The following NCOA1 variants were observed in gnomAD, a reference collection of about 807,000 sequenced individuals.
The protein encoded by NCOA1 is Hin-2 protein.
A neutral mutation model predicts 150.9 loss-of-function variants in NCOA1; 35 were observed. That is an observed-to-expected ratio of 0.23 (90% CI 0.18 to 0.31). The LOEUF (loss-of-function observed/expected upper bound fraction) is 0.31. Among genes scored for constraint, NCOA1 ranks in the 10% least tolerant of loss-of-function variants. The probability of loss-of-function intolerance (pLI) is 1.00; values close to 1 mark genes in which losing one functional copy is unlikely to be tolerated. For missense variants in NCOA1, 1,491 were observed against 1,749.3 expected, an observed-to-expected ratio of 0.85 and a Z score of 2.63; for synonymous variants, 590 against 630.0, an observed-to-expected ratio of 0.94 and a Z score of 0.95.
At chr2:24,696,584 ATAT>A (rs1262116130) in intron 10 of NCOA1, among the ~76,000 whole-genome samples, 1 of 152,210 alleles carries the variant, frequency 6.6e-6, no homozygotes, top group Non-Finnish European at 1.5e-5. Context: ...TTTAAAATTA[ATAT>A]TATAAAGTTG....
At chr2:24,716,519 C>T (rs1282194129) in intron 14 of NCOA1, among the ~76,000 whole-genome samples, 1 of 152,044 alleles carries the variant, frequency 6.6e-6, no homozygotes, top group African/African-American at 2.4e-5. Flanking sequence ...GAACCTCAAC[C>T]TCTCTCCTCA....
intron 13 of NCOA1, among the ~76,000 whole-genome samples, chr2:24,708,468 C>G (rs1234316804): frequency 6.6e-6 from 1 of 152,010 alleles, no homozygotes; most frequent in Non-Finnish European, 1.5e-5. Flanking sequence ...TAAATAAAGA[C>G]AAACCTTTCC....
chr2:24,658,068 A>G (rs1051729344), intron 4 of NCOA1, among the ~76,000 whole-genome samples: 1 of 152,206 alleles, frequency 6.6e-6, no homozygotes, highest in Non-Finnish European at 1.5e-5. Flanking sequence ...CCAAGATCCT[A>G]ACATAGACTA....
chr2:24,523,754 C>T (rs1046887192), intron 1 of NCOA1, among the ~76,000 whole-genome samples: 1 of 149,570 alleles, frequency 6.7e-6, no homozygotes, highest in African/African-American at 2.5e-5. Flanking sequence ...GGTCAAACCC[C>T]ATCTCTACTG....
At chr2:24,502,021 A>G (rs1204808729) in intron 1 of NCOA1, among the ~76,000 whole-genome samples, 2 of 152,152 alleles carry the variant, frequency 1.3e-5, no homozygotes, top group African/African-American at 2.4e-5. Flanking sequence ...TTTGGCTTTT[A>G]CAGGTGTTTG....
In NCOA1 at chr2:24,707,688, A is replaced by G; in HGVS notation, c.2218A>G (p.Lys740Glu). ...AAAACTAGAACTGGATGCTTCAAAG[A>G]AAAAAGAATCAAAAGACCATCAGCT... ...SIKLELDASK[K>E]KESKDHQLLR... The change falls in exon 13 of 23, where the codon AAA (lysine) becomes GAA (glutamate). Residue 740 changes from lysine to glutamate, a missense_variant. This residue lies in a region of NCOA1 where 703 missense variants were observed against 717.7 expected (regional missense o/e 0.98). Coordinates refer to ENST00000348332, the MANE Select transcript of NCOA1 (RefSeq NM_003743.5). The G allele has an allele frequency of 1.9e-6, 3 of 1,614,184 alleles. No individual in the cohort carries two copies. The highest frequency in any genetic ancestry group is 2.5e-6 in the Non-Finnish European group (3 of 1,180,004).
chr2:24,650,745 A>T (rs573897303), intron 4 of NCOA1, among the ~76,000 whole-genome samples: 1 of 152,210 alleles, frequency 6.6e-6, no homozygotes, highest in African/African-American at 2.4e-5. Flanking sequence ...AGGAAATGTA[A>T]GTAAAAGCCA....
rs911285185 is a variant in NCOA1 at position 24,708,022 on chromosome 2, G to T, written c.2418+134G>T. ...CCATTGGGCATATATTAAGAGGTTA[G>T]TATCAATAACTGATCACAGGATGCC... On this transcript the variant is annotated intron_variant, in intron 13 of 22. Coordinates refer to ENST00000348332, the MANE Select transcript of NCOA1 (RefSeq NM_003743.5). 12 of 1,158,440 alleles carry T rather than the reference G, an allele frequency of 1.0e-5. No homozygotes were observed. The Admixed American group carries it at 1.6e-4, about 15-fold the overall frequency. The allele number at this position is 1,158,440 out of a possible 1,614,324, so 71.8% of individuals were successfully genotyped here.
intron 1 of NCOA1, among the ~76,000 whole-genome samples, chr2:24,516,189 T>A (rs1370471937): frequency 4.5e-4 from 56 of 123,406 alleles, no homozygotes; most frequent in South Asian, 8.3e-4. Context: ...GTTTTGCCTT[T>A]TTTTTTTTTT....
At chr2:24,534,563 T>A (rs558618086) in intron 1 of NCOA1, among the ~76,000 whole-genome samples, 1 of 152,350 alleles carries the variant, frequency 6.6e-6, no homozygotes, top group East Asian at 1.9e-4. Context: ...TTTAGATCTT[T>A]CCTGCTTTCT....
At chr2:24,581,699 A>C (rs1444766379) in intron 2 of NCOA1, among the ~76,000 whole-genome samples, 1 of 152,196 alleles carries the variant, frequency 6.6e-6, no homozygotes, top group Admixed American at 6.5e-5. Context: ...TGATAAACAC[A>C]GATGCAAAAA....
intron 2 of NCOA1, among the ~76,000 whole-genome samples, chr2:24,567,295 G>A (rs1666555140): frequency 6.6e-6 from 1 of 152,174 alleles, no homozygotes; most frequent in African/African-American, 2.4e-5. Flanking sequence ...AACTCAAATA[G>A]TAATGATGAT....
chr2:24,563,514 ATCTC>A (rs776409836), intron 1 of NCOA1, among the ~76,000 whole-genome samples: 73 of 151,116 alleles, frequency 4.8e-4, no homozygotes, highest in Non-Finnish European at 9.1e-4. Flanking sequence ...AAGCCAGTAA[ATCTC>A]TCTCTTTTTT....
At chr2:24,665,697 A>G (rs1671387010) in intron 5 of NCOA1, 52 bp from the exon 6 acceptor site, 2 of 1,334,288 alleles carry the variant, frequency 1.5e-6, no homozygotes, top group Admixed American at 2.7e-5. Context: ...TGATCAGAGA[A>G]GGAAATATGG....
intron 14 of NCOA1, among the ~76,000 whole-genome samples, chr2:24,714,955 A>G (rs942598241): frequency 6.6e-6 from 1 of 152,154 alleles, no homozygotes; most frequent in Non-Finnish European, 1.5e-5. Context: ...ATTATGTCAG[A>G]TAAACAAGAA....
intron 1 of NCOA1, among the ~76,000 whole-genome samples, chr2:24,503,100 A>G (rs1162104133): frequency 6.6e-6 from 1 of 152,228 alleles, no homozygotes; most frequent in Non-Finnish European, 1.5e-5. Context: ...CTACTTATGA[A>G]TGTACTTAGA....
At chr2:24,518,086 C>T (rs1490301425) in intron 1 of NCOA1, among the ~76,000 whole-genome samples, 1 of 151,834 alleles carries the variant, frequency 6.6e-6, no homozygotes, top group Non-Finnish European at 1.5e-5. Flanking sequence ...TTTAAAAGTC[C>T]TAACAAAATT....
At chr2:24,708,640 GAC>G (rs1282953725) in intron 13 of NCOA1, among the ~76,000 whole-genome samples, 1 of 152,048 alleles carries the variant, frequency 6.6e-6, no homozygotes, top group African/African-American at 2.4e-5. Flanking sequence ...CTTATTTAGA[GAC>G]AGAATATAGA....
intron 11 of NCOA1, among the ~76,000 whole-genome samples, chr2:24,701,197 A>G (rs1169332561): frequency 1.3e-5 from 2 of 152,096 alleles, no homozygotes; most frequent in Non-Finnish European, 2.9e-5. Context: ...AATATCCATG[A>G]CATATTGTTA....
Sources: gnomAD v4.1 joint callset for allele counts (sites outside exome capture counted in the v4.1 genomes callset) on GRCh38, gnomAD v4.1.1 for gene constraint, gnomAD v4.1.1 regional missense constraint, MANE v1.5 for transcripts, NCBI Gene and HGNC (gene_info 2026-07-23, HGNC 2026-07-21) for gene names.